Variants in DRAM1 observed in about 807,000 individuals in gnomAD.
The protein encoded by DRAM1 is DNA damage regulated autophagy modulator 1.
DRAM1 carries 25 observed loss-of-function variants against 28.5 expected under a neutral mutation model. The ratio of observed to expected loss-of-function variants is 0.88; its 90% CI spans 0.64 to 1.23. DRAM1 has a LOEUF of 1.23. Among genes scored for constraint, DRAM1 ranks in the 50% most tolerant of loss-of-function variants. DRAM1 has a pLI of 0.00. For synonymous variants in DRAM1, 113 were observed against 114.2 expected (o/e 0.99, Z 0.07); for missense variants, 249 against 299.2 (o/e 0.83, Z 1.24).
chr12:101,906,078 G>C (rs1401249997), intron 3 of DRAM1, among the ~76,000 whole-genome samples: 3 of 152,130 alleles, frequency 2.0e-5, no homozygotes, highest in South Asian at 4.1e-4. Context: ...GTGAGCCACA[G>C]TACCTGGCCC....
chr12:101,904,160 G>T (rs1873707264), intron 3 of DRAM1, among the ~76,000 whole-genome samples: 1 of 151,658 alleles, frequency 6.6e-6, no homozygotes, highest in Non-Finnish European at 1.5e-5. Context: ...GCTGATTTTT[G>T]TATTTTTTTT....
chr12:101,920,899 G>A (rs906472405), intron 6 of DRAM1, among the ~76,000 whole-genome samples: 11 of 152,042 alleles, frequency 7.2e-5, no homozygotes, highest in Non-Finnish European at 1.3e-4. Flanking sequence ...CAACAAGAGC[G>A]AGACTCTATC....
At chr12:101,898,042 T>A in intron 2 of DRAM1, 112 bp downstream of exon 2, 4 of 628,528 alleles carry the variant, frequency 6.4e-6, no homozygotes, top group Non-Finnish European at 1.0e-5. Context: ...TTATTTTTTC[T>A]GAGACAGGGT....
rs558882331 is a variant in DRAM1, at chr12:101,921,227, A to G, written c.684A>G (p.Leu228=). The G allele has an allele frequency of 9.4e-6, 15 of 1,603,116 alleles. No individual in the cohort carries two copies. The South Asian group carries it at 1.4e-4, about 15-fold the overall frequency. Residue 228 remains leucine (L), a synonymous_variant, in exon 7 of 7, where the codon CTA becomes CTG. Transcript: ENST00000258534. ...ATTTTTAAAAATAGAGTGTCACCCT[A>G]AGGATATCCACAGAAATCAATGGTG... ...TFIQDFQSVT[L]RISTEINGDI
Position 101,877,882 on chromosome 12 carries a change from G to T in DRAM1, c.93G>T (p.Val31=). 1 of 1,544,032 alleles carries T rather than the reference G, an allele frequency of 6.5e-7. No individual in the cohort carries two copies. The change falls in exon 1 of 7, where the codon GTG becomes GTT. Residue 31 remains valine, a synonymous_variant. Coordinates refer to ENST00000258534, the MANE Select transcript of DRAM1 (RefSeq NM_018370.3). This position sits in a 1 kb window ranked among gnomAD's most constrained non-coding sequence, Gnocchi z 4.1. ...TCATTATCTCCTACGTGGTCGCCGT[G>T]CTCTCCGGGCACGTCAACCCCTTCC... ...AAFIISYVVA[V]LSGHVNPFLP...
chr12:101,886,248 C>A (rs995766309), intron 1 of DRAM1, among the ~76,000 whole-genome samples: 2 of 152,278 alleles, frequency 1.3e-5, no homozygotes, highest in South Asian at 2.1e-4. Context: ...TGATTAAGAG[C>A]AACAGCTTTG....
chr12:101,880,273 G>C (rs1172970344), intron 1 of DRAM1, among the ~76,000 whole-genome samples: 4 of 133,800 alleles, frequency 3.0e-5, no homozygotes, highest in African/African-American at 8.5e-5. Context: ...GTCCTGCAAT[G>C]CTTCCTTTTT....
chr12:101,878,478 C>T (rs1370483428), intron 1 of DRAM1, among the ~76,000 whole-genome samples: 11 of 152,314 alleles, frequency 7.2e-5, no homozygotes, highest in Non-Finnish European at 8.8e-5. Flanking sequence ...TGTGCTGCCC[C>T]CAGGTCTCTG....
At chr12:101,920,465 C>T (rs78283508) in intron 6 of DRAM1, among the ~76,000 whole-genome samples, 1,920 of 152,134 alleles carry the variant, frequency 0.013, 19 homozygotes, top group Non-Finnish European at 0.018. Flanking sequence ...TTAGCTTATT[C>T]CCAATGGGAG....
At chr12:101,887,951 G>T (rs959308129) in intron 1 of DRAM1, among the ~76,000 whole-genome samples, 2 of 152,040 alleles carry the variant, frequency 1.3e-5, no homozygotes, top group Non-Finnish European at 2.9e-5. Context: ...TGAGTACCAG[G>T]ATAAAAAATA....
In DRAM1 at chr12:101,899,726, A is replaced by G. The variant is rs2121093897; in HGVS notation, c.200-1565A>G. Among the ~76,000 whole-genome samples, 2 of 150,936 alleles carry G rather than the reference A, an allele frequency of 1.3e-5. 1 individual carries two copies. Among genetic ancestry groups the G allele is most frequent in the South Asian group, 4.2e-4 (2 of 4,748 alleles). On this transcript the variant is annotated intron_variant, in intron 2 of 6. Transcript: ENST00000258534. ...GATTTATGATAAGTTATTAGTTTTT[A>G]GCCTGCTTTTTAAAAATTCAGGAAT...
intron 1 of DRAM1, among the ~76,000 whole-genome samples, chr12:101,879,867 G>A (rs1207747356): frequency 5.3e-5 from 8 of 151,970 alleles, no homozygotes; most frequent in African/African-American, 1.9e-4. Context: ...GGTGGTGCAC[G>A]CCTGTAGTCC....
At position 101,904,426 on chromosome 12, in the gene DRAM1, GGTTTTTTTTTT is replaced by G. The variant is rs1350303822; in HGVS notation, c.342+2994_342+3004del. 1.4e-3 allele frequency among the ~76,000 whole-genome samples: 55 copies of G among 39,132 alleles called. 7 individuals are homozygous for G. Among genetic ancestry groups the G allele is most frequent in the African/African-American group, 3.6e-3 (36 of 9,902 alleles). 25.7% of individuals were successfully genotyped at this position (39,132 alleles called of 152,430 possible). ...TGAAGCTGAGTGATAGAGCTTTAGG[GGTTTTTTTTTT>G]TTTTTTTTTTTTTTTTTTTTTTGAG... On this transcript the variant is annotated intron_variant, in intron 3 of 6. Coordinates refer to ENST00000258534, the MANE Select transcript of DRAM1 (RefSeq NM_018370.3).
At chr12:101,906,147 A>G (rs922578387) in intron 3 of DRAM1, among the ~76,000 whole-genome samples, 1 of 152,232 alleles carries the variant, frequency 6.6e-6, no homozygotes, top group Non-Finnish European at 1.5e-5. Flanking sequence ...CAGTGCAGTC[A>G]TATTTGAATA....
At chr12:101,887,214 T>C (rs1054891714) in intron 1 of DRAM1, among the ~76,000 whole-genome samples, 3 of 151,784 alleles carry the variant, frequency 2.0e-5, no homozygotes, top group Admixed American at 1.3e-4. Flanking sequence ...CGAAAAAAAT[T>C]TGTAGCCTTT....
intron 3 of DRAM1, among the ~76,000 whole-genome samples, chr12:101,903,043 C>T (rs56039920): frequency 0.13 from 19,892 of 151,864 alleles, 1,386 homozygotes; most frequent in East Asian, 0.24. Flanking sequence ...CTCAGCCTCC[C>T]GAGTAGCTGG....
At chr12:101,879,448 A>G (rs1018200488) in intron 1 of DRAM1, among the ~76,000 whole-genome samples, 3 of 151,968 alleles carry the variant, frequency 2.0e-5, no homozygotes, top group African/African-American at 7.2e-5. Flanking sequence ...TATTGTTATT[A>G]TTTTTTATTT....
chr12:101,894,186 C>T (rs1401119577), intron 1 of DRAM1, among the ~76,000 whole-genome samples: 2 of 152,168 alleles, frequency 1.3e-5, no homozygotes, highest in Non-Finnish European at 2.9e-5. Context: ...GGCATGATCT[C>T]GGCTCACTGC....
chr12:101,906,078 G>A (rs1401249997), intron 3 of DRAM1, among the ~76,000 whole-genome samples: 1 of 152,130 alleles, frequency 6.6e-6, no homozygotes, highest in Non-Finnish European at 1.5e-5. Flanking sequence ...GTGAGCCACA[G>A]TACCTGGCCC....
Sources: allele counts gnomAD v4.1 joint callset (sites outside exome capture counted in the v4.1 genomes callset), GRCh38; gene constraint gnomAD v4.1.1; non-coding constraint Gnocchi (gnomAD v3.1); transcripts MANE v1.5; gene names NCBI Gene and HGNC (gene_info 2026-07-23, HGNC 2026-07-21).